The following ARHGAP35 variants were observed in gnomAD, a reference collection of about 807,000 sequenced individuals.
The protein encoded by ARHGAP35 is rho GTPase-activating protein 35.
A neutral mutation model predicts 111.1 loss-of-function variants in ARHGAP35; 15 were observed. The ratio of observed to expected loss-of-function variants is 0.13; its 90% CI spans 0.09 to 0.21. ARHGAP35 has a LOEUF of 0.21. Among genes scored for constraint, ARHGAP35 ranks in the 10% least tolerant of loss-of-function variants. The pLI, the probability that ARHGAP35 is intolerant of heterozygous loss-of-function variation, is 1.00. For synonymous variants in ARHGAP35, 643 were observed against 710.3 expected, an observed-to-expected ratio of 0.91 and a Z score of 1.51; for missense variants, 1,262 against 1,873.0, an observed-to-expected ratio of 0.67 and a Z score of 6.02.
intron 3 of ARHGAP35, among the ~76,000 whole-genome samples, chr19:46,978,607 T>A (rs1453264267): frequency 2.2e-5 from 2 of 89,032 alleles, no homozygotes; most frequent in South Asian, 4.4e-4. Context: ...GGGGGTGTGG[T>A]GTGGTGTGTG....
intron 1 of ARHGAP35, among the ~76,000 whole-genome samples, chr19:46,876,448 A>C (rs1211210112): frequency 6.6e-6 from 1 of 150,754 alleles, no homozygotes; most frequent in Non-Finnish European, 1.5e-5. Context: ...ATCTCGGCTC[A>C]CTGCAGCCTC....
At chr19:46,861,398 G>T (rs2055826111) in intron 1 of ARHGAP35, among the ~76,000 whole-genome samples, 189 bp downstream of exon 1, 1 of 125,420 alleles carries the variant, frequency 8.0e-6, no homozygotes, top group African/African-American at 3.1e-5. Flanking sequence ...GCGTCGGCCC[G>T]GCCCGTGGGG....
At chr19:46,967,372 C>G (rs1025735711) in intron 3 of ARHGAP35, among the ~76,000 whole-genome samples, 1 of 152,132 alleles carries the variant, frequency 6.6e-6, no homozygotes, top group Admixed American at 6.5e-5. Context: ...GGGAGGGGGT[C>G]TCTCCCTTGT....
At chr19:46,865,076 T>G (rs1054867114) in intron 1 of ARHGAP35, among the ~76,000 whole-genome samples, 1 of 152,214 alleles carries the variant, frequency 6.6e-6, no homozygotes, top group Non-Finnish European at 1.5e-5. Context: ...GACTGTCAGA[T>G]TTCTCTGAGG....
chr19:46,988,172 ACCCAAAGCCACGAG>A lies in ARHGAP35; in HGVS notation c.3904+107_3904+120del. 1 of 1,056,066 alleles carries A rather than the reference ACCCAAAGCCACGAG, an allele frequency of 9.5e-7. No homozygotes were observed. The highest frequency in any genetic ancestry group is 1.4e-5 in the South Asian group (1 of 73,134). The allele number at this position is 1,056,066 out of a possible 1,614,324, so 65.4% of individuals were successfully genotyped here. On this transcript the variant is annotated intron_variant, in intron 4 of 6. Transcript: ENST00000672722. The surrounding 1 kb of genome is among the most constrained non-coding windows in gnomAD (Gnocchi z 5.4). ...CTTCGGAGCACTCCTGCCAGCACAG[ACCCAAAGCCACGAG>A]GTGCTGAGACTGAGAAAGAGACCAT...
intron 3 of ARHGAP35, among the ~76,000 whole-genome samples, chr19:46,940,929 A>G (rs1335124170): frequency 6.6e-6 from 1 of 152,016 alleles, no homozygotes; most frequent in Non-Finnish European, 1.5e-5. Context: ...TATCTGCTGA[A>G]AACCCATCCT....
rs376522236 is a variant in ARHGAP35, at chr19:46,990,708, G to A, written c.4036+1033G>A. Reference sequence around the variant, plus strand: ...ATTTATTCACAAGCCTGATGGTGTAGGCAGAAATTTGAGGGAGGTGATGGA... The same window carrying A: ...ATTTATTCACAAGCCTGATGGTGTAAGCAGAAATTTGAGGGAGGTGATGGA... On this transcript the variant is annotated intron_variant, in intron 5 of 6. Transcript: ENST00000672722. 2.6e-5 allele frequency among the ~76,000 whole-genome samples: 4 copies of A among 152,324 alleles called. No homozygotes were observed. In the East Asian group the frequency reaches 5.8e-4, roughly 22 times the overall value.
chr19:46,970,794 G>A (rs73059307), intron 3 of ARHGAP35, among the ~76,000 whole-genome samples: 29,084 of 152,086 alleles, frequency 0.19, 3,504 homozygotes, highest in Non-Finnish European at 0.28. Flanking sequence ...GGGCTGGGAG[G>A]TAGAGTTGTT....
At chr19:46,954,687 A>G (rs1179414287) in intron 3 of ARHGAP35, among the ~76,000 whole-genome samples, 1 of 152,218 alleles carries the variant, frequency 6.6e-6, no homozygotes, top group Admixed American at 6.5e-5. Context: ...TTGGCTATTT[A>G]AATTCGTAGC....
intron 2 of ARHGAP35, among the ~76,000 whole-genome samples, chr19:46,935,991 T>A (rs1055517179): frequency 6.6e-6 from 1 of 152,336 alleles, no homozygotes; most frequent in African/African-American, 2.4e-5. Context: ...CATTTAGGCA[T>A]GTGAGAGATT....
chr19:46,874,634 A>G (rs1340918558), intron 1 of ARHGAP35, among the ~76,000 whole-genome samples: 1 of 149,676 alleles, frequency 6.7e-6, no homozygotes, highest in Non-Finnish European at 1.5e-5. Flanking sequence ...CCTCCTGAGT[A>G]GCTGGGATTA....
chr19:46,973,541 T>G (rs2056563089), intron 3 of ARHGAP35, among the ~76,000 whole-genome samples: 1 of 150,612 alleles, frequency 6.6e-6, no homozygotes, highest in Non-Finnish European at 1.5e-5. Flanking sequence ...TACCAAAAAC[T>G]TAGCCGGGTG....
intron 3 of ARHGAP35, among the ~76,000 whole-genome samples, chr19:46,978,702 GGC>G (rs1294118007): frequency 1.3e-3 from 175 of 135,830 alleles, no homozygotes; most frequent in African/African-American, 3.4e-3. Context: ...TGTGTGGTGG[GGC>G]ATGTGTGTGG....
Position 46,988,271 on chromosome 19 carries a change from T to C in ARHGAP35, c.3904+205T>C. 1.8e-6 allele frequency: 1 copy of C among 554,152 alleles called. No individual in the cohort carries two copies. Among genetic ancestry groups the C allele is most frequent in the Non-Finnish European group, 3.3e-6 (1 of 307,524 alleles). 34.3% of individuals were successfully genotyped at this position (554,152 alleles called of 1,614,324 possible). On this transcript the variant is annotated intron_variant, in intron 4 of 6. Transcript: ENST00000672722. This position sits in a 1 kb window ranked among gnomAD's most constrained non-coding sequence, Gnocchi z 5.4. ...TGTCAGTGAACCGAAGCACCATCCC[T>C]GCCCAAGCTGGGTCATGTAGGCCAC... is the stretch of plus-strand genomic sequence containing the variant.
chr19:46,885,909 A>G (rs548803760), intron 1 of ARHGAP35, among the ~76,000 whole-genome samples: 102 of 152,258 alleles, frequency 6.7e-4, no homozygotes, highest in Middle Eastern at 3.4e-3. Flanking sequence ...TGGGGCTACA[A>G]GTGTGTGCCA....
Position 46,923,544 on chromosome 19 carries a change from CT to C in ARHGAP35, c.3681+1198del, listed in dbSNP as rs962736120. Among the ~76,000 whole-genome samples, 17 of 149,152 alleles carry C rather than the reference CT, an allele frequency of 1.1e-4. No homozygotes were observed. In the East Asian group the frequency reaches 1.4e-3, roughly 12 times the overall value. On this transcript the variant is annotated intron_variant, in intron 2 of 6. Coordinates refer to ENST00000672722, the MANE Select transcript of ARHGAP35 (RefSeq NM_004491.5). ...AAGCGTTTCTCAACTTTTTCTTTTT[CT>C]TTTTTTTTTCCATTTGGAGTAGGGA...
chr19:46,978,940 G>A (rs1222647134), intron 3 of ARHGAP35, among the ~76,000 whole-genome samples: 1 of 131,746 alleles, frequency 7.6e-6, no homozygotes, highest in Non-Finnish European at 1.6e-5. Flanking sequence ...TGTGTGGTGG[G>A]CTGTGTGTGT....
At chr19:46,958,566 CAGA>C (rs2056456239) in intron 3 of ARHGAP35, among the ~76,000 whole-genome samples, 1 of 152,162 alleles carries the variant, frequency 6.6e-6, no homozygotes, top group African/African-American at 2.4e-5. Flanking sequence ...GCTTTTTCCT[CAGA>C]CATCTGGAAC....
intron 3 of ARHGAP35, among the ~76,000 whole-genome samples, chr19:46,938,782 T>C (rs896104708): frequency 6.6e-6 from 1 of 151,946 alleles, no homozygotes; most frequent in Non-Finnish European, 1.5e-5. Context: ...CTCAGCCTCC[T>C]GAGTAGCTGG....
Sources: gnomAD v4.1 joint callset for allele counts (sites outside exome capture counted in the v4.1 genomes callset) on GRCh38, gnomAD v4.1.1 for gene constraint, Gnocchi (gnomAD v3.1) non-coding constraint, MANE v1.5 for transcripts, NCBI Gene and HGNC (gene_info 2026-07-23, HGNC 2026-07-21) for gene names.